ADGRL2: variants seen among roughly 807,000 people sequenced by gnomAD.
ADGRL2 encodes the protein calcium-independent alpha-latrotoxin receptor 2.
ADGRL2 carries 44 observed loss-of-function variants against 157.4 expected under a neutral mutation model. That is an observed-to-expected ratio of 0.28 (90% CI 0.22 to 0.36). The LOEUF (loss-of-function observed/expected upper bound fraction) is 0.36. Ranked by LOEUF, ADGRL2 falls within the 10% of genes least tolerant of loss-of-function variation. The pLI, the probability that ADGRL2 is intolerant of heterozygous loss-of-function variation, is 1.00. For synonymous variants in ADGRL2, 585 were observed against 624.7 expected, an observed-to-expected ratio of 0.94 and a Z score of 0.95; for missense variants, 1,510 against 1,768.9, an observed-to-expected ratio of 0.85 and a Z score of 2.63.
chr1:81,544,786 A>AT (rs972951117), intron 2 of ADGRL2, among the ~76,000 whole-genome samples: 1 of 152,144 alleles, frequency 6.6e-6, no homozygotes, highest in African/African-American at 2.4e-5. Context: ...GAGCCACTAC[A>AT]TTTTTTTAAG....
Position 81,971,839 on chromosome 1 carries a change from C to T in ADGRL2, c.2955-13C>T, listed in dbSNP as rs766190385. ...AGAAACTACTAATGCATATTCTTCT[C>T]TTTTCATAATAGTTGCTGGCTTCAT... On this transcript the variant is annotated splice_polypyrimidine_tract_variant and intron_variant, in intron 16 of 23. Coordinates refer to ENST00000686636, the MANE Select transcript of ADGRL2 (RefSeq NM_001366006.2). 1 of 1,548,890 alleles carries T rather than the reference C, an allele frequency of 6.5e-7. No homozygotes were observed. Among genetic ancestry groups the T allele is most frequent in the Non-Finnish European group, 8.9e-7 (1 of 1,123,012 alleles).
At chr1:81,640,324 A>G (rs373802831) in intron 3 of ADGRL2, among the ~76,000 whole-genome samples, 12 of 152,222 alleles carry the variant, frequency 7.9e-5, no homozygotes, top group South Asian at 2.1e-4. Context: ...CATGACCAAA[A>G]GGAGAAATTG....
intron 22 of ADGRL2, among the ~76,000 whole-genome samples, 173 bp from the exon 23 acceptor site, chr1:81,987,696 A>T: frequency 6.6e-6 from 1 of 151,864 alleles, no homozygotes; most frequent in Non-Finnish European, 1.5e-5. Flanking sequence ...GATTTTGGTA[A>T]AGTTTTCACA....
At chr1:81,878,125 A>G (rs1380782244) in intron 2 of ADGRL2, among the ~76,000 whole-genome samples, 2 of 152,140 alleles carry the variant, frequency 1.3e-5, no homozygotes, top group East Asian at 1.9e-4. Context: ...AAGCTTTCCA[A>G]GAGATTCAGG....
At chr1:81,350,700 G>A (rs1662817251) in intron 1 of ADGRL2, among the ~76,000 whole-genome samples, 1 of 152,148 alleles carries the variant, frequency 6.6e-6, no homozygotes, top group Non-Finnish European at 1.5e-5. Context: ...TGTGATACTT[G>A]ACAGATTTTA....
At chr1:81,587,195 T>C (rs1276252085) in intron 3 of ADGRL2, among the ~76,000 whole-genome samples, 1 of 152,212 alleles carries the variant, frequency 6.6e-6, no homozygotes. Flanking sequence ...AATCACATGA[T>C]TCTTAGAACA....
intron 1 of ADGRL2, among the ~76,000 whole-genome samples, chr1:81,808,194 T>C (rs2089409508): frequency 6.6e-6 from 1 of 152,050 alleles, no homozygotes; most frequent in South Asian, 2.1e-4. Context: ...GATAATTTTA[T>C]GCATTGTCTG....
At chr1:81,733,540 T>A (rs565775238) in intron 1 of ADGRL2, among the ~76,000 whole-genome samples, 3 of 152,270 alleles carry the variant, frequency 2.0e-5, no homozygotes, top group African/African-American at 7.2e-5. Flanking sequence ...CAGGTTAGAT[T>A]AGGGCCCACC....
chr1:81,462,446 G>A (rs1407101880), intron 2 of ADGRL2, among the ~76,000 whole-genome samples: 1 of 150,598 alleles, frequency 6.6e-6, no homozygotes, highest in African/African-American at 2.4e-5. Context: ...TGAAGTCAGC[G>A]AGACCAAGAA....
chr1:81,786,318 C>T (rs562737322), intron 2 of ADGRL2, among the ~76,000 whole-genome samples: 3 of 152,290 alleles, frequency 2.0e-5, no homozygotes, highest in East Asian at 3.9e-4. Flanking sequence ...TGGCTCACGC[C>T]AATAATCCTA....
intron 3 of ADGRL2, among the ~76,000 whole-genome samples, chr1:81,908,878 CTT>C (rs35920325): frequency 1.5e-3 from 211 of 141,256 alleles, no homozygotes; most frequent in Middle Eastern, 3.6e-3. Context: ...TTTTTTCTTT[CTT>C]TTTTTTTTTT....
chr1:81,352,886 T>C (rs12142314), intron 1 of ADGRL2, among the ~76,000 whole-genome samples: 22,282 of 151,830 alleles, frequency 0.15, 1,783 homozygotes, highest in Middle Eastern at 0.19. Context: ...ATTGAAGGGG[T>C]TAATTAGGTC....
chr1:81,826,949 G>T (rs2091539069), intron 1 of ADGRL2, among the ~76,000 whole-genome samples: 1 of 152,038 alleles, frequency 6.6e-6, no homozygotes, highest in South Asian at 2.1e-4. Flanking sequence ...CTTGTTAATT[G>T]TAGGTTAAAA....
chr1:81,718,151 C>G (rs1191602643), intron 1 of ADGRL2, among the ~76,000 whole-genome samples: 2 of 152,122 alleles, frequency 1.3e-5, no homozygotes, highest in Non-Finnish European at 2.9e-5. Context: ...TCCTGAGTAG[C>G]TGGGACCACA....
At chr1:81,957,966 T>C (rs1411704010) in intron 11 of ADGRL2, among the ~76,000 whole-genome samples, 1 of 151,320 alleles carries the variant, frequency 6.6e-6, no homozygotes, top group Non-Finnish European at 1.5e-5. Flanking sequence ...TTCAGGACTA[T>C]CCTGGCCAAC....
chr1:81,504,355 C>A (rs1166100036), intron 2 of ADGRL2, among the ~76,000 whole-genome samples: 1 of 152,182 alleles, frequency 6.6e-6, no homozygotes, highest in Non-Finnish European at 1.5e-5. Flanking sequence ...TCTTATGGGG[C>A]CATCTTGGCC....
At chr1:81,505,344 AG>A (rs980012678) in intron 2 of ADGRL2, among the ~76,000 whole-genome samples, 6 of 151,302 alleles carry the variant, frequency 4.0e-5, no homozygotes, top group Admixed American at 3.3e-4. Context: ...GCCCATTTGA[AG>A]GTGTCTCAGA....
In ADGRL2 at chr1:81,322,401, A is replaced by G. The variant is rs537491051; in HGVS notation, c.-302+15892A>G. Among the ~76,000 whole-genome samples, 6 of 152,180 alleles carry G rather than the reference A, an allele frequency of 3.9e-5. No homozygotes were observed. The South Asian group carries it at 1.2e-3, about 32-fold the overall frequency. ...AGGAATAAAGGTAACAGGACGTGAT[A>G]AGTGCGTAATGATGTATATCAGTTA... On this transcript the variant is annotated intron_variant, in intron 1 of 24. Transcript: ENST00000370721.
At chr1:81,421,619 C>T (rs148833544) in intron 1 of ADGRL2, among the ~76,000 whole-genome samples, 7 of 152,176 alleles carry the variant, frequency 4.6e-5, no homozygotes, top group Non-Finnish European at 1.0e-4. Flanking sequence ...AGTATTTGAG[C>T]TATCATGACA....
Sources: gnomAD v4.1 joint callset for allele counts (sites outside exome capture counted in the v4.1 genomes callset) on GRCh38, gnomAD v4.1.1 for gene constraint, MANE v1.5 for transcripts, NCBI Gene and HGNC (gene_info 2026-07-23, HGNC 2026-07-21) for gene names.